Variants in PID1 observed in about 807,000 individuals in gnomAD.
The protein encoded by PID1 is phosphotyrosine interaction domain containing 1.
Under a neutral mutation model 19.1 loss-of-function variants are expected in PID1, and 10 were observed. The observed-to-expected ratio is 0.52, with a 90% CI of 0.32 to 0.89. The LOEUF is 0.89. Ranked by LOEUF, PID1 falls within the 40% of genes least tolerant of loss-of-function variation. PID1 has a pLI of 0.03. For synonymous variants in PID1, 130 were observed against 116.0 expected (o/e 1.12, Z -0.78); for missense variants, 248 against 285.3 (o/e 0.87, Z 0.94).
At chr2:229,050,530 A>G (rs1016371407) in intron 2 of PID1, among the ~76,000 whole-genome samples, 9 of 152,210 alleles carry the variant, frequency 5.9e-5, no homozygotes, top group African/African-American at 2.2e-4. Flanking sequence ...AAATGTTTAC[A>G]TGATTAGTAT....
At chr2:229,200,446 C>G (rs1426377900) in intron 1 of PID1, among the ~76,000 whole-genome samples, 1 of 151,946 alleles carries the variant, frequency 6.6e-6, no homozygotes, top group Non-Finnish European at 1.5e-5. Flanking sequence ...TATAAAGGAA[C>G]CCTCCTCTGC....
chr2:229,139,013 A>AAGAAAG (rs1689923603), intron 2 of PID1, among the ~76,000 whole-genome samples: 1 of 95,234 alleles, frequency 1.1e-5, no homozygotes, highest in Non-Finnish European at 2.3e-5. Context: ...GAAAGAAAGA[A>AAGAAAG]AGAAAGAAAG....
chr2:229,233,161 G>A (rs1692251813), intron 1 of PID1, among the ~76,000 whole-genome samples: 1 of 152,048 alleles, frequency 6.6e-6, no homozygotes, highest in Non-Finnish European at 1.5e-5. Context: ...TAAGATCTTT[G>A]TTAGAAAATA....
intron 2 of PID1, among the ~76,000 whole-genome samples, chr2:229,088,824 T>C (rs142941910): frequency 6.6e-6 from 1 of 152,296 alleles, no homozygotes; most frequent in East Asian, 1.9e-4. Context: ...TTTCCATGAA[T>C]ACTGCCTGAG....
At chr2:229,139,297 C>G (rs1689963561) in intron 2 of PID1, among the ~76,000 whole-genome samples, 1 of 152,136 alleles carries the variant, frequency 6.6e-6, no homozygotes, top group African/African-American at 2.4e-5. Context: ...ACAAATGGCA[C>G]TTCCTTCACA....
intron 2 of PID1, among the ~76,000 whole-genome samples, chr2:229,059,007 TA>T (rs1488573528): frequency 6.6e-6 from 1 of 152,198 alleles, no homozygotes; most frequent in Non-Finnish European, 1.5e-5. Context: ...ATAAATTTTG[TA>T]AATATAAATT....
chr2:229,251,272 T>C (rs1690142117), intron 1 of PID1, among the ~76,000 whole-genome samples: 1 of 10,418 alleles, frequency 9.6e-5, no homozygotes, highest in Admixed American at 2.2e-3. Flanking sequence ...TGCAAGGTAC[T>C]GTATTTTTTT....
At chr2:229,227,942 C>G (rs1247276824) in intron 1 of PID1, 1 of 455,504 alleles carries the variant, frequency 2.2e-6, no homozygotes, top group African/African-American at 2.0e-5. Flanking sequence ...ATGCAAATAC[C>G]ATGCCATTTC....
intron 2 of PID1, among the ~76,000 whole-genome samples, chr2:229,028,134 T>G (rs1204967179): frequency 6.6e-6 from 1 of 152,172 alleles, no homozygotes. Context: ...AGGGTGAGTA[T>G]CCCTTAGATA....
At chr2:229,141,157 C>CACCA (rs1690003852) in intron 2 of PID1, among the ~76,000 whole-genome samples, 1 of 152,072 alleles carries the variant, frequency 6.6e-6, no homozygotes. Flanking sequence ...GGCATAGTAA[C>CACCA]TATGAAGACA....
At chr2:229,039,878 A>G (rs1346816846) in intron 2 of PID1, among the ~76,000 whole-genome samples, 1 of 152,228 alleles carries the variant, frequency 6.6e-6, no homozygotes, top group Non-Finnish European at 1.5e-5. Flanking sequence ...TGAATCATCA[A>G]TATCATACCT....
chr2:229,098,400 T>C (rs1249851872), intron 2 of PID1, among the ~76,000 whole-genome samples: 1 of 152,220 alleles, frequency 6.6e-6, no homozygotes, highest in Non-Finnish European at 1.5e-5. Flanking sequence ...AGTTTCTTTA[T>C]GACAGGACTT....
In PID1 at chr2:229,045,796, C is replaced by T. The variant is rs575666621; in HGVS notation, c.178-19688G>A. Among the ~76,000 whole-genome samples the T allele has an allele frequency of 4.3e-4, 66 of 152,318 alleles. No homozygotes were observed. In the Middle Eastern group the frequency reaches 0.01, roughly 24 times the overall value. The stretch of plus-strand genomic sequence containing the variant: ...GCATTGCCTGCCCAGCACACTGTCA[C>T]GGAGCATGCCCTTCTGGGCCACTCC... On this transcript the variant is annotated intron_variant, in intron 2 of 2. Transcript: ENST00000392055.
intron 2 of PID1, among the ~76,000 whole-genome samples, chr2:229,035,961 G>A (rs1011951242): frequency 6.6e-6 from 1 of 152,196 alleles, no homozygotes; most frequent in African/African-American, 2.4e-5. Flanking sequence ...GAAAAAGACA[G>A]TGTGCATAGT....
At chr2:229,234,264 C>T (rs1426997016) in intron 1 of PID1, among the ~76,000 whole-genome samples, 1 of 152,140 alleles carries the variant, frequency 6.6e-6, no homozygotes, top group Non-Finnish European at 1.5e-5. Context: ...TAAAGCTGGT[C>T]AATTAAAGTT....
chr2:229,113,073 G>C (rs578012493), intron 2 of PID1, among the ~76,000 whole-genome samples: 3 of 152,088 alleles, frequency 2.0e-5, no homozygotes, highest in Admixed American at 6.5e-5. Context: ...CTCCTAGAAT[G>C]TTTCAAACAA....
At chr2:229,153,299 C>T (rs1690294772) in intron 2 of PID1, among the ~76,000 whole-genome samples, 1 of 152,194 alleles carries the variant, frequency 6.6e-6, no homozygotes, top group Non-Finnish European at 1.5e-5. Context: ...AGGTTTTCTT[C>T]CTTCAGATAG....
At chr2:229,031,354 T>G (rs1693551386) in intron 2 of PID1, among the ~76,000 whole-genome samples, 2 of 151,470 alleles carry the variant, frequency 1.3e-5, no homozygotes. Flanking sequence ...GGTCAGGAGT[T>G]CAAGACCAGC....
intron 1 of PID1, among the ~76,000 whole-genome samples, chr2:229,234,521 C>A (rs1484778993): frequency 6.6e-6 from 1 of 152,174 alleles, no homozygotes; most frequent in Non-Finnish European, 1.5e-5. Context: ...AGTAACTCAG[C>A]CCTAACAACA....
Sources: gnomAD v4.1 joint callset for allele counts (sites outside exome capture counted in the v4.1 genomes callset) on GRCh38, gnomAD v4.1.1 for gene constraint, MANE v1.5 for transcripts, NCBI Gene and HGNC (gene_info 2026-07-23, HGNC 2026-07-21) for gene names.